Variants in GALNT13 observed in about 807,000 individuals in gnomAD.
GALNT13 encodes the protein UDP-GalNAc:polypeptide N-acetylgalactosaminyltransferase 13.
GALNT13 carries 28 observed loss-of-function variants against 64.2 expected under a neutral mutation model. That is an observed-to-expected ratio of 0.44 (90% CI 0.32 to 0.60). GALNT13 has a LOEUF of 0.60. Among genes scored for constraint, GALNT13 ranks in the 20% least tolerant of loss-of-function variants. The pLI is 0.05. For missense variants in GALNT13, 577 were observed against 669.8 expected, an observed-to-expected ratio of 0.86 and a Z score of 1.53; for synonymous variants, 214 against 224.6, an observed-to-expected ratio of 0.95 and a Z score of 0.42.
rs116489660 is a variant in GALNT13, at chr2:154,427,899, A to G, written c.1396-10693A>G. On this transcript the variant is annotated intron_variant, in intron 11 of 12. Transcript: ENST00000392825. ...CTTCAATACCATCTATGAATTCTCC[A>G]TGCTGACTTCAGGATGGTGTGAATA... 5.9e-3 allele frequency among the ~76,000 whole-genome samples: 902 copies of G among 152,308 alleles called. 7 individuals are homozygous for G. Among genetic ancestry groups the G allele is most frequent in the African/African-American group, 0.02 (844 of 41,574 alleles).
the GALNT13 span, among the ~76,000 whole-genome samples, chr2:153,407,545 G>C: frequency 6.6e-6 from 1 of 152,100 alleles, no homozygotes; most frequent in South Asian, 2.1e-4. Flanking sequence ...CATAGTTATT[G>C]CATAGCTCAC....
the GALNT13 span, among the ~76,000 whole-genome samples, chr2:153,249,059 G>T: frequency 6.6e-6 from 1 of 152,088 alleles, no homozygotes; most frequent in South Asian, 2.1e-4. Context: ...GAAATAAATG[G>T]TATTCAAATA....
At chr2:153,293,204 C>T in the GALNT13 span, among the ~76,000 whole-genome samples, 50,914 of 151,806 alleles carry the variant, frequency 0.34, 8,749 homozygotes, top group Middle Eastern at 0.49. Context: ...AGTTGTCATC[C>T]CTGAAACCCG....
chr2:153,283,995 G>A, the GALNT13 span, among the ~76,000 whole-genome samples: 1 of 151,930 alleles, frequency 6.6e-6, no homozygotes, highest in Non-Finnish European at 1.5e-5. Flanking sequence ...TGGGGTGGCT[G>A]CGAATGCTCT....
rs962477263 is a variant in GALNT13, at chr2:153,955,806, C to T, written c.142+11167C>T. On this transcript the variant is annotated intron_variant, in intron 3 of 12. Transcript: ENST00000392825. ...CTCTGTGACTGGCAAGGAGTGCTTGCCAACCTCCACTCTCATCTGGCCGAG... is the reference window on the plus strand; with the variant it reads ...CTCTGTGACTGGCAAGGAGTGCTTGTCAACCTCCACTCTCATCTGGCCGAG... 3.9e-5 allele frequency among the ~76,000 whole-genome samples: 6 copies of T among 152,156 alleles called. No homozygotes were observed. The East Asian group carries it at 1.2e-3, about 29-fold the overall frequency.
At chr2:154,341,552 T>C (rs964617683) in intron 9 of GALNT13, among the ~76,000 whole-genome samples, 5 of 151,974 alleles carry the variant, frequency 3.3e-5, no homozygotes, top group African/African-American at 9.7e-5. Context: ...TTGAAAAATA[T>C]CAAGGAGACC....
the GALNT13 span, among the ~76,000 whole-genome samples, chr2:153,759,900 A>G: frequency 6.6e-6 from 1 of 152,114 alleles, no homozygotes; most frequent in Non-Finnish European, 1.5e-5. Flanking sequence ...TTTAAGTGGT[A>G]GAAATAAGTA....
intron 4 of GALNT13, among the ~76,000 whole-genome samples, chr2:154,209,115 TA>T (rs140894644): frequency 1.1e-4 from 17 of 150,780 alleles, no homozygotes; most frequent in East Asian, 7.8e-4. Context: ...ATATTTTTCT[TA>T]AAAAAAAAGG....
At chr2:153,124,365 G>A in the GALNT13 span, among the ~76,000 whole-genome samples, 1 of 152,182 alleles carries the variant, frequency 6.6e-6, no homozygotes, top group Non-Finnish European at 1.5e-5. Flanking sequence ...ACTAAGTTTT[G>A]AGGTAATTTA....
At chr2:154,124,248 A>T (rs919565742) in intron 3 of GALNT13, among the ~76,000 whole-genome samples, 1 of 151,962 alleles carries the variant, frequency 6.6e-6, no homozygotes, top group Non-Finnish European at 1.5e-5. Context: ...TACAGATGTG[A>T]TTAAAAAAAG....
intron 3 of GALNT13, among the ~76,000 whole-genome samples, chr2:153,962,483 A>G (rs926753721): frequency 4.6e-5 from 7 of 152,206 alleles, no homozygotes; most frequent in Non-Finnish European, 8.8e-5. Flanking sequence ...AATGGAGACA[A>G]TAGCAAATGA....
At chr2:153,889,405 G>GACACTCTTTTATCCTTCCTC (rs1298211137) in intron 1 of GALNT13, among the ~76,000 whole-genome samples, 124 of 151,912 alleles carry the variant, frequency 8.2e-4, no homozygotes, top group Admixed American at 8.1e-3. Flanking sequence ...AAGCCTTCCT[G>GACACTCTTTTATCCTTCCTC]ACACTCTTTT....
chr2:153,742,257 C>A, the GALNT13 span, among the ~76,000 whole-genome samples: 1 of 151,990 alleles, frequency 6.6e-6, no homozygotes, highest in Admixed American at 6.6e-5. Context: ...CTTCTTTTAC[C>A]TTCATATAAT....
chr2:153,678,930 G>T, the GALNT13 span, among the ~76,000 whole-genome samples: 3 of 151,962 alleles, frequency 2.0e-5, no homozygotes, highest in Non-Finnish European at 4.4e-5. Flanking sequence ...TAATTGTTGA[G>T]AGTATGGAAA....
chr2:154,056,074 A>C (rs2105356625), intron 3 of GALNT13, among the ~76,000 whole-genome samples: 1 of 152,298 alleles, frequency 6.6e-6, no homozygotes, highest in Non-Finnish European at 1.5e-5. Context: ...TTAGGTAAGA[A>C]AATGTTTTCA....
At chr2:153,346,286 C>T in the GALNT13 span, among the ~76,000 whole-genome samples, 1 of 152,114 alleles carries the variant, frequency 6.6e-6, no homozygotes, top group Admixed American at 6.5e-5. Flanking sequence ...TCTTCTATAG[C>T]CTTCTTTTTC....
intron 3 of GALNT13, among the ~76,000 whole-genome samples, chr2:153,980,014 A>G (rs1228690605): frequency 6.6e-6 from 1 of 152,218 alleles, no homozygotes; most frequent in African/African-American, 2.4e-5. Context: ...TATTAAACTT[A>G]AAAGTTAAAG....
At chr2:154,442,905 C>T (rs993978324) in intron 12 of GALNT13, among the ~76,000 whole-genome samples, 1 of 152,030 alleles carries the variant, frequency 6.6e-6, no homozygotes, top group Non-Finnish European at 1.5e-5. Flanking sequence ...TTAGAAAATA[C>T]TTGTTGTGAA....
At chr2:154,044,376 C>T (rs1699174319) in intron 3 of GALNT13, among the ~76,000 whole-genome samples, 1 of 152,138 alleles carries the variant, frequency 6.6e-6, no homozygotes, top group Middle Eastern at 3.2e-3. Context: ...GAAGAAAGAG[C>T]ATTTCAGATG....
Sources: allele counts gnomAD v4.1 joint callset (sites outside exome capture counted in the v4.1 genomes callset), GRCh38; gene constraint gnomAD v4.1.1; transcripts MANE v1.5; gene names NCBI Gene and HGNC (gene_info 2026-07-23, HGNC 2026-07-21).